The following ARHGAP44 variants were observed in gnomAD, a reference collection of about 807,000 sequenced individuals.
The protein encoded by ARHGAP44 is rho GTPase-activating protein 44.
In ARHGAP44, 43 loss-of-function variants were observed where a neutral mutation model predicts 106.8. The ratio of observed to expected loss-of-function variants is 0.40; its 90% CI spans 0.32 to 0.52. ARHGAP44 has a LOEUF of 0.52. ARHGAP44 is among the 20% of genes least tolerant of loss of function. The probability of loss-of-function intolerance (pLI) is 0.48; values close to 1 mark genes in which losing one functional copy is unlikely to be tolerated. For missense variants in ARHGAP44, 866 were observed against 1,050.5 expected (o/e 0.82, Z 2.43); for synonymous variants, 439 against 410.3 (o/e 1.07, Z -0.85).
chr17:12,969,770 G>A (rs2039480575), intron 16 of ARHGAP44, among the ~76,000 whole-genome samples: 1 of 152,146 alleles, frequency 6.6e-6, no homozygotes, highest in African/African-American at 2.4e-5. Flanking sequence ...TCTGCCACCA[G>A]GTCATGGTGC....
intron 4 of ARHGAP44, among the ~76,000 whole-genome samples, chr17:12,915,593 T>C (rs530539852): frequency 3.9e-5 from 6 of 152,328 alleles, no homozygotes; most frequent in African/African-American, 1.4e-4. Context: ...ATTTTAGCTA[T>C]CCAATGTTCT....
intron 7 of ARHGAP44, among the ~76,000 whole-genome samples, chr17:12,934,289 T>C (rs2038483810): frequency 6.6e-6 from 1 of 152,208 alleles, no homozygotes; most frequent in Non-Finnish European, 1.5e-5. Flanking sequence ...AAGTCAAACT[T>C]GAGTCTGGGA....
At chr17:12,873,962 A>T (rs950025465) in intron 1 of ARHGAP44, among the ~76,000 whole-genome samples, 2 of 151,182 alleles carry the variant, frequency 1.3e-5, no homozygotes. Flanking sequence ...AAAGAAAGAA[A>T]GAAGGAAAGA....
At chr17:12,913,953 A>G (rs2037820589) in intron 4 of ARHGAP44, among the ~76,000 whole-genome samples, 1 of 121,410 alleles carries the variant, frequency 8.2e-6, no homozygotes, top group Non-Finnish European at 1.6e-5. Context: ...TGGGTGATAG[A>G]GTGAGATTTT....
At chr17:12,946,653 G>T (rs2143037669) in intron 10 of ARHGAP44, among the ~76,000 whole-genome samples, 1 of 152,012 alleles carries the variant, frequency 6.6e-6, no homozygotes, top group Non-Finnish European at 1.5e-5. Context: ...ACAAAAATTA[G>T]CTGGGCATAG....
At chr17:12,929,541 C>T (rs1227821737) in intron 7 of ARHGAP44, among the ~76,000 whole-genome samples, 1 of 152,182 alleles carries the variant, frequency 6.6e-6, no homozygotes, top group African/African-American at 2.4e-5. Flanking sequence ...GAAAAGAAAA[C>T]TTCCCACTTG....
At chr17:12,902,675 T>A (rs2037409067) in intron 3 of ARHGAP44, among the ~76,000 whole-genome samples, 1 of 152,226 alleles carries the variant, frequency 6.6e-6, no homozygotes, top group Non-Finnish European at 1.5e-5. Flanking sequence ...CAGGCAATTC[T>A]GAGGTTAAGC....
intron 7 of ARHGAP44, among the ~76,000 whole-genome samples, chr17:12,938,096 C>G (rs1237561971): frequency 6.8e-6 from 1 of 147,718 alleles, no homozygotes; most frequent in Non-Finnish European, 1.5e-5. Flanking sequence ...AAAAAAAATT[C>G]TGCCATAAAA....
At chr17:12,924,724 A>ATC (rs1224801116) in intron 6 of ARHGAP44, among the ~76,000 whole-genome samples, 3 of 152,194 alleles carry the variant, frequency 2.0e-5, no homozygotes, top group East Asian at 1.9e-4. Context: ...AGAAAGAGTG[A>ATC]TCTCTCTCTC....
At chr17:12,960,891 A>G (rs2039246332) in intron 16 of ARHGAP44, among the ~76,000 whole-genome samples, 2 of 152,196 alleles carry the variant, frequency 1.3e-5, no homozygotes, top group African/African-American at 2.4e-5. Flanking sequence ...AATCTATAAA[A>G]AAGAACATAC....
At chr17:12,918,834 A>G (rs2037991125) in intron 5 of ARHGAP44, among the ~76,000 whole-genome samples, 1 of 151,614 alleles carries the variant, frequency 6.6e-6, no homozygotes, top group African/African-American at 2.4e-5. Flanking sequence ...TTTTTTTGGC[A>G]GGGCGGGAGT....
intron 16 of ARHGAP44, among the ~76,000 whole-genome samples, chr17:12,962,078 A>T (rs886670733): frequency 1.3e-4 from 19 of 149,438 alleles, no homozygotes; most frequent in African/African-American, 3.6e-4. Flanking sequence ...AAGTTAAAAA[A>T]AAATATATAT....
At chr17:12,877,754 A>T (rs2036601357) in intron 1 of ARHGAP44, among the ~76,000 whole-genome samples, 1 of 152,154 alleles carries the variant, frequency 6.6e-6, no homozygotes, top group African/African-American at 2.4e-5. Flanking sequence ...CGTCTAAAAA[A>T]AAAAAAACAC....
At chr17:12,849,334 A>G (rs1201195283) in intron 1 of ARHGAP44, among the ~76,000 whole-genome samples, 1 of 151,842 alleles carries the variant, frequency 6.6e-6, no homozygotes, top group Admixed American at 6.6e-5. Flanking sequence ...GTTCCTCTTC[A>G]TCTGTTCTAT....
intron 3 of ARHGAP44, among the ~76,000 whole-genome samples, chr17:12,897,208 T>C (rs1010650361): frequency 2.0e-5 from 3 of 152,122 alleles, no homozygotes; most frequent in Admixed American, 1.3e-4. Flanking sequence ...ACAATCTAGG[T>C]TTTTCTCCTC....
intron 1 of ARHGAP44, among the ~76,000 whole-genome samples, chr17:12,847,751 C>T (rs1477776544): frequency 1.3e-5 from 2 of 151,796 alleles, no homozygotes; most frequent in African/African-American, 2.4e-5. Flanking sequence ...GTGATCCGCC[C>T]GCCTCGGCCT....
At chr17:12,983,758 C>T (rs767127306) in intron 19 of ARHGAP44, among the ~76,000 whole-genome samples, 49 of 151,986 alleles carry the variant, frequency 3.2e-4, no homozygotes, top group Non-Finnish European at 6.3e-4. Context: ...GAGCGGCGAT[C>T]GCGCCATTGC....
Position 12,973,333 on chromosome 17 carries a change from T to C in ARHGAP44, c.1541+14T>C. On this transcript the variant is annotated intron_variant, in intron 17 of 20. Coordinates refer to ENST00000379672, the MANE Select transcript of ARHGAP44 (RefSeq NM_014859.6). The stretch of plus-strand genomic sequence containing the variant: ...GAAAATCCAAAGGTATGGTATCCTC[T>C]GGTAGCTATGAGGCCATGCTCAGTC... 5.0e-6 allele frequency: 8 copies of C among 1,606,146 alleles called. No individual in the cohort carries two copies. The highest frequency in any genetic ancestry group is 1.3e-5 in the African/African-American group (1 of 74,990).
intron 1 of ARHGAP44, among the ~76,000 whole-genome samples, chr17:12,833,882 T>C (rs1436487174): frequency 6.6e-6 from 1 of 152,150 alleles, no homozygotes; most frequent in East Asian, 1.9e-4. Context: ...TGTAAGGGGT[T>C]GTGGAGACCA....
Sources: allele counts gnomAD v4.1 joint callset (sites outside exome capture counted in the v4.1 genomes callset), GRCh38; gene constraint gnomAD v4.1.1; transcripts MANE v1.5; gene names NCBI Gene and HGNC (gene_info 2026-07-23, HGNC 2026-07-21).